SLC25A37: variants seen among roughly 807,000 people sequenced by gnomAD.
The protein encoded by SLC25A37 is mitoferrin-1.
Under a neutral mutation model 31.0 loss-of-function variants are expected in SLC25A37, and 17 were observed. The observed-to-expected ratio is 0.55, with a 90% CI of 0.38 to 0.82. The LOEUF (loss-of-function observed/expected upper bound fraction) is 0.82. Ranked by LOEUF, SLC25A37 falls within the 40% of genes least tolerant of loss-of-function variation. The pLI, the probability that SLC25A37 is intolerant of heterozygous loss-of-function variation, is 0.00. For synonymous variants in SLC25A37, 222 were observed against 193.0 expected (o/e 1.15, Z -1.24); for missense variants, 404 against 465.8 (o/e 0.87, Z 1.22).
At chr8:23,532,552 A>G (rs2117379490) in intron 1 of SLC25A37, among the ~76,000 whole-genome samples, 1 of 152,312 alleles carries the variant, frequency 6.6e-6, no homozygotes, top group African/African-American at 2.4e-5. Flanking sequence ...GACCATGCCG[A>G]GTCCCGCCTG....
intron 1 of SLC25A37, among the ~76,000 whole-genome samples, chr8:23,540,427 G>A (rs188273183): frequency 6.6e-6 from 1 of 152,192 alleles, no homozygotes; most frequent in African/African-American, 2.4e-5. Flanking sequence ...TGAGTCGAGG[G>A]AGTAACTCCA....
At chr8:23,559,729 A>AT (rs1392803609) in intron 1 of SLC25A37, among the ~76,000 whole-genome samples, 5 of 152,118 alleles carry the variant, frequency 3.3e-5, no homozygotes, top group Non-Finnish European at 5.9e-5. Flanking sequence ...TAGGCACCTC[A>AT]TATCAGTGGA....
intron 1 of SLC25A37, among the ~76,000 whole-genome samples, chr8:23,534,390 G>A (rs1801722489): frequency 6.6e-6 from 1 of 152,188 alleles, no homozygotes; most frequent in Non-Finnish European, 1.5e-5. Context: ...GGTTGGGCAG[G>A]ACACTTAGCT....
chr8:23,532,910 CCAAA>C (rs1247194932), intron 1 of SLC25A37, among the ~76,000 whole-genome samples: 1 of 152,258 alleles, frequency 6.6e-6, no homozygotes, highest in Non-Finnish European at 1.5e-5. Context: ...TCATTGCTTT[CCAAA>C]CAAAGTGCAG....
At chr8:23,544,691 TTC>T (rs1298785039) in intron 1 of SLC25A37, among the ~76,000 whole-genome samples, 3 of 152,184 alleles carry the variant, frequency 2.0e-5, no homozygotes, top group Admixed American at 1.3e-4. Flanking sequence ...AACTGTATGA[TTC>T]TCTGTGTCCC....
intron 2 of SLC25A37, 165 bp from the exon 3 acceptor site, chr8:23,568,157 C>T (rs547659155): frequency 1.4e-5 from 10 of 736,554 alleles, no homozygotes; most frequent in Admixed American, 1.2e-4. Context: ...ATCATATTTC[C>T]ACCATCACTT....
intron 1 of SLC25A37, among the ~76,000 whole-genome samples, chr8:23,552,659 A>G (rs1802258543): frequency 6.6e-6 from 1 of 152,180 alleles, no homozygotes; most frequent in African/African-American, 2.4e-5. Flanking sequence ...AGTTTCCCCA[A>G]CCAGAACGTA....
chr8:23,544,502 C>T lies in SLC25A37; in HGVS notation c.210+15290C>T, dbSNP rs571973811. ...GGCTTGACACAACCCAGGCATTCCC[C>T]ATGGGAGCCCCTCTGTGGCAGGAAG... On this transcript the variant is annotated intron_variant, in intron 1 of 3. Coordinates refer to ENST00000519973, the MANE Select transcript of SLC25A37 (RefSeq NM_016612.4). 5.3e-5 allele frequency among the ~76,000 whole-genome samples: 8 copies of T among 152,256 alleles called. No individual in the cohort carries two copies. The East Asian group carries it at 9.7e-4, about 18-fold the overall frequency.
chr8:23,571,214 C>G, intron 3 of SLC25A37, 121 bp from the exon 4 acceptor site: 1 of 1,219,900 alleles, frequency 8.2e-7, no homozygotes, highest in Non-Finnish European at 1.1e-6. Context: ...TCGCCTGTTT[C>G]CGGTGTCTAA....
chr8:23,557,332 G>C (rs187162204), intron 1 of SLC25A37, among the ~76,000 whole-genome samples: 1 of 152,152 alleles, frequency 6.6e-6, no homozygotes, highest in African/African-American at 2.4e-5. Context: ...TTTTGTGTGC[G>C]TGGTGCTCCT....
chr8:23,563,748 G>A (rs1364571796), intron 1 of SLC25A37, among the ~76,000 whole-genome samples: 3 of 152,168 alleles, frequency 2.0e-5, no homozygotes, highest in African/African-American at 4.8e-5. Context: ...TTGGGAAGCC[G>A]AAGCAAGTGG....
intron 1 of SLC25A37, among the ~76,000 whole-genome samples, chr8:23,537,709 A>G (rs1274231623): frequency 3.3e-5 from 5 of 152,208 alleles, no homozygotes; most frequent in Admixed American, 6.5e-5. Context: ...TGCAGGTGCT[A>G]GGTCATGGTG....
At position 23,572,203 on chromosome 8, in the gene SLC25A37, TAAAAAAAAAAAAAAAAAAAAAAAAAAA is replaced by T. The variant is rs540950017; in HGVS notation, c.*367_*393del. On this transcript the variant is annotated 3_prime_UTR_variant, in exon 4 of 4. Coordinates refer to ENST00000519973, the MANE Select transcript of SLC25A37 (RefSeq NM_016612.4). ...GAAAATTTGCAGTGACTGAAAACAG[TAAAAAAAAAAAAAAAAAAAAAAAAAAA>T]AAAAAAAAAAAAAAAAAATTTATGT... 7 of 85,998 alleles carry T rather than the reference TAAAAAAAAAAAAAAAAAAAAAAAAAAA, an allele frequency of 8.1e-5. No homozygotes were observed. The highest frequency in any genetic ancestry group is 3.2e-4 in the East Asian group (1 of 3,138). The allele number at this position is 85,998 out of a possible 1,614,324, so 5.3% of individuals were successfully genotyped here. A position where few individuals can be genotyped will look rare whatever the true frequency, so the allele number is the denominator to read the frequency against.
intron 1 of SLC25A37, among the ~76,000 whole-genome samples, chr8:23,533,764 A>G (rs967893914): frequency 6.6e-6 from 1 of 152,122 alleles, no homozygotes. Context: ...TTTAATCCGA[A>G]ATACCGGCTG....
At chr8:23,569,402 T>TACACACACACACAC (rs10608830) in intron 3 of SLC25A37, among the ~76,000 whole-genome samples, 2,431 of 150,238 alleles carry the variant, frequency 0.016, 35 homozygotes, top group African/African-American at 0.035. Flanking sequence ...TATGTGTGCA[T>TACACACACACACAC]ACACACACAC....
chr8:23,544,630 A>G (rs57465675), intron 1 of SLC25A37, among the ~76,000 whole-genome samples: 68 of 152,268 alleles, frequency 4.5e-4, no homozygotes, highest in African/African-American at 1.6e-3. Flanking sequence ...CGAGGAAGGA[A>G]TATCTCAGTA....
intron 2 of SLC25A37, chr8:23,566,968 T>G: frequency 2.3e-6 from 1 of 440,944 alleles, no homozygotes; most frequent in South Asian, 9.5e-5. Flanking sequence ...TTTGTTTGGT[T>G]GTTTTGAGGG....
In SLC25A37 at chr8:23,529,329, A is replaced by G; in HGVS notation, c.210+117A>G. The G allele has an allele frequency of 3.0e-6, 3 of 1,005,548 alleles. No individual in the cohort carries two copies. The highest frequency in any genetic ancestry group is 1.7e-5 in the African/African-American group (1 of 58,460). 62.3% of individuals were successfully genotyped at this position (1,005,548 alleles called of 1,614,324 possible). A position where few individuals can be genotyped will look rare whatever the true frequency, so the allele number is the denominator to read the frequency against. ...GTCCCGAAACCGAGCTCTCCCCAGG[A>G]CCGCGGCTGGCCGGGGTCGCCCCAG... On this transcript the variant is annotated intron_variant, in intron 1 of 3. Coordinates refer to ENST00000519973, the MANE Select transcript of SLC25A37 (RefSeq NM_016612.4). The surrounding 1 kb of genome is among the most constrained non-coding windows in gnomAD (Gnocchi z 4.1).
intron 1 of SLC25A37, among the ~76,000 whole-genome samples, chr8:23,553,806 C>T (rs1051377923): frequency 2.0e-5 from 3 of 152,146 alleles, no homozygotes; most frequent in Non-Finnish European, 2.9e-5. Flanking sequence ...GTGACCTCCA[C>T]GGGTCAGGGC....
Sources: gnomAD v4.1 joint callset for allele counts (sites outside exome capture counted in the v4.1 genomes callset) on GRCh38, gnomAD v4.1.1 for gene constraint, Gnocchi (gnomAD v3.1) non-coding constraint, MANE v1.5 for transcripts, NCBI Gene and HGNC (gene_info 2026-07-23, HGNC 2026-07-21) for gene names.